CCNA2: variants seen among roughly 807,000 people sequenced by gnomAD.
The protein encoded by CCNA2 is cyclin-A2.
Under a neutral mutation model 49.4 loss-of-function variants are expected in CCNA2, and 3 were observed. The ratio of observed to expected loss-of-function variants is 0.06; its 90% CI spans 0.03 to 0.16. The LOEUF is 0.16. Among genes scored for constraint, CCNA2 ranks in the 10% least tolerant of loss-of-function variants. The pLI is 1.00. For missense variants in CCNA2, 372 were observed against 519.7 expected, an observed-to-expected ratio of 0.72 and a Z score of 2.76; for synonymous variants, 206 against 197.2, an observed-to-expected ratio of 1.04 and a Z score of -0.37.
In CCNA2 at chr4:121,822,451, G is replaced by A. The variant is rs1292663732; in HGVS notation, c.409C>T (p.Pro137Ser). 8 of 1,614,070 alleles carry A rather than the reference G, an allele frequency of 5.0e-6. No individual in the cohort carries two copies. Among genetic ancestry groups the A allele is most frequent in the Middle Eastern group, 3.3e-4 (2 of 6,062 alleles). The change falls in exon 2 of 8, where the codon CCC (proline) becomes TCC (serine). Residue 137 changes from proline (P) to serine (S), a missense_variant. Pro to Ser is a moderately conservative substitution (Grantham distance 74). This residue lies in a region of CCNA2 where 217 missense variants were observed against 231.7 expected (regional missense o/e 0.94). Coordinates refer to ENST00000274026, the MANE Select transcript of CCNA2 (RefSeq NM_001237.5). ...TCAAGAGGGACCAATGGTTTTCTGG[G>A]TCCAGGTAAACTAATGGCTGAATTA... ...AFNSAISLPG[P>S]RKPLVPLDYP...
intron 4 of CCNA2, among the ~76,000 whole-genome samples, 175 bp from the exon 5 acceptor site, chr4:121,819,754 A>C (rs1235186409): frequency 1.3e-5 from 2 of 152,154 alleles, no homozygotes; most frequent in Non-Finnish European, 2.9e-5. Flanking sequence ...GCTAATTAAA[A>C]GGCCCAAATC....
In CCNA2 at chr4:121,817,100, T is replaced by TAAAC. The variant is rs549715641; in HGVS notation, c.*534_*537dup. The TAAAC allele has an allele frequency of 3.1e-4, 129 of 409,920 alleles. No homozygotes were observed. The highest frequency in any genetic ancestry group is 1.4e-3 in the African/African-American group (68 of 48,150). 25.4% of individuals were successfully genotyped at this position (409,920 alleles called of 1,614,324 possible). On this transcript the variant is annotated 3_prime_UTR_variant, in exon 8 of 8. Coordinates refer to ENST00000274026, the MANE Select transcript of CCNA2 (RefSeq NM_001237.5). ...TCTGTTGAGTTTACCTCGCAAAACCTAAACAAACAGGTTTTACAAAGAGCG... is the reference window on the plus strand; with the variant it reads ...TCTGTTGAGTTTACCTCGCAAAACCTAAACAAACAAACAGGTTTTACAAAGAGCG...
At chr4:121,818,981 A>C in intron 5 of CCNA2, 68 bp from the exon 6 acceptor site, 1 of 1,035,350 alleles carries the variant, frequency 9.7e-7, no homozygotes, top group Non-Finnish European at 1.5e-6. Context: ...CTGCCTTCTA[A>C]CCTAATTTTT....
chr4:121,823,485 G>T lies in CCNA2; in HGVS notation c.144C>A (p.Ala48=). The T allele has an allele frequency of 6.2e-7, 1 of 1,613,478 alleles. No individual in the cohort carries two copies. The highest frequency in any genetic ancestry group is 8.5e-7 in the Non-Finnish European group (1 of 1,179,846). Residue 48 remains alanine (A), a synonymous_variant, in exon 1 of 8, where the codon GCC becomes GCA. Coordinates refer to ENST00000274026, the MANE Select transcript of CCNA2 (RefSeq NM_001237.5). ...TCCCGGACTTCAGTACCGCCAGCGC[G>T]GCCCGGGTCCGCGGTTGTTGGACGG... ...AAPVQQPRTR[A]ALAVLKSGNP...
chr4:121,819,451 G>C lies in CCNA2; in HGVS notation c.923C>G (p.Ala308Gly), dbSNP rs1302825377. Residue 308 changes from alanine to glycine, a missense_variant, in exon 5 of 8, where the codon GCT becomes GGT. Ala to Gly is a moderately conservative substitution (Grantham distance 60). Transcript: ENST00000274026. ...VLKVLTFDLA[A>G]PTVNQFLTQY... is the part of the protein sequence containing the mutation. ...GGTAAGAAACTGATTTACTGTTGGA[G>C]CAGCTAAGTCAAAAGTAAGGACTTT... 6.2e-7 allele frequency: 1 copy of C among 1,614,028 alleles called. No homozygotes were observed. The highest frequency in any genetic ancestry group is 8.5e-7 in the Non-Finnish European group (1 of 1,179,902).
intron 2 of CCNA2, among the ~76,000 whole-genome samples, chr4:121,821,856 A>T (rs1281891556): frequency 6.6e-6 from 1 of 152,226 alleles, no homozygotes; most frequent in Non-Finnish European, 1.5e-5. Flanking sequence ...AATAGTACAA[A>T]CTGCAAAGAG....
chr4:121,817,520 T>C lies in CCNA2; in HGVS notation c.*118A>G. The C allele has an allele frequency of 8.3e-7, 1 of 1,200,880 alleles. No homozygotes were observed. Among genetic ancestry groups the C allele is most frequent in the African/African-American group, 1.5e-5 (1 of 65,640 alleles). The allele number at this position is 1,200,880 out of a possible 1,614,324, so 74.4% of individuals were successfully genotyped here. On this transcript the variant is annotated 3_prime_UTR_variant, in exon 8 of 8. Transcript: ENST00000274026. Reference sequence around the variant, plus strand: ...AAAAAGTAATAGATACCATAATTTGTACTTGGCCACAACTTCTGTATTCAG... The same window carrying C: ...AAAAAGTAATAGATACCATAATTTGCACTTGGCCACAACTTCTGTATTCAG...
In CCNA2 at chr4:121,816,968, T is replaced by A. The variant is rs1366215124; in HGVS notation, c.*670A>T. 3 of 1,115,578 alleles carry A rather than the reference T, an allele frequency of 2.7e-6. No homozygotes were observed. Among genetic ancestry groups the A allele is most frequent in the African/African-American group, 3.2e-5 (2 of 61,660 alleles). The allele number at this position is 1,115,578 out of a possible 1,614,324, so 69.1% of individuals were successfully genotyped here. A position where few individuals can be genotyped will look rare whatever the true frequency, so the allele number is the denominator to read the frequency against. ...TCCATTATAAAATCTAGCAGGATTT[T>A]AAAAATAGTTTTTTGTTTTTAATGT... is the stretch of plus-strand genomic sequence containing the variant. On this transcript the variant is annotated 3_prime_UTR_variant, in exon 8 of 8. Transcript: ENST00000274026.
chr4:121,820,947 CAT>C lies in CCNA2; in HGVS notation c.570+30_570+31del. On this transcript the variant is annotated intron_variant, in intron 3 of 7. Transcript: ENST00000274026. The surrounding 1 kb of genome is among the most constrained non-coding windows in gnomAD (Gnocchi z 4.1). ...TTCATTTAGCCACATTTAACAAATA[CAT>C]TATACAAACTGGATTCAGAGAACCT... 1 of 1,554,928 alleles carries C rather than the reference CAT, an allele frequency of 6.4e-7. No individual in the cohort carries two copies. The highest frequency in any genetic ancestry group is 8.8e-7 in the Non-Finnish European group (1 of 1,130,854).
chr4:121,817,346 TGAA>T lies in CCNA2; in HGVS notation c.*289_*291del, dbSNP rs556920628. On this transcript the variant is annotated 3_prime_UTR_variant, in exon 8 of 8. Transcript: ENST00000274026. ...TAAACTTCTTTACTAAGCAAAATCC[TGAA>T]GAAGTTAAATTTGACTTGCAAAGTT... 212 of 296,464 alleles carry T rather than the reference TGAA, an allele frequency of 7.2e-4. No homozygotes were observed. The highest frequency in any genetic ancestry group is 2.8e-3 in the African/African-American group (126 of 45,748). The allele number at this position is 296,464 out of a possible 1,614,324, so 18.4% of individuals were successfully genotyped here. A position where few individuals can be genotyped will look rare whatever the true frequency, so the allele number is the denominator to read the frequency against.
chr4:121,817,543 C>A lies in CCNA2; in HGVS notation c.*95G>T. On this transcript the variant is annotated 3_prime_UTR_variant, in exon 8 of 8. Coordinates refer to ENST00000274026, the MANE Select transcript of CCNA2 (RefSeq NM_001237.5). ...TGTACTTGGCCACAACTTCTGTATT[C>A]AGAAATGATTGTAAAATTAAAACCT... 6.7e-7 allele frequency: 1 copy of A among 1,484,252 alleles called. No individual in the cohort carries two copies. Among genetic ancestry groups the A allele is most frequent in the Non-Finnish European group, 9.2e-7 (1 of 1,083,086 alleles). The allele number at this position is 1,484,252 out of a possible 1,614,324, so 91.9% of individuals were successfully genotyped here. A position where few individuals can be genotyped will look rare whatever the true frequency, so the allele number is the denominator to read the frequency against.
Position 121,823,543 on chromosome 4 carries a change from T to C in CCNA2, c.86A>G (p.Asp29Gly). ...CTTTTCCGGGTTGATATTCTCCTGG[T>C]CCTCTTGGAGCGCCGTCTGCTGCAA... ...LALQQTALQE[D>G]QENINPEKAA... is the part of the protein sequence containing the mutation. Residue 29 changes from aspartate to glycine, a missense_variant, in exon 1 of 8, where the codon GAC becomes GGC. Around this residue, in one of 2 missense-constraint regions of CCNA2, gnomAD observed 217 missense variants for 231.7 expected, o/e 0.94. Transcript: ENST00000274026. 6.2e-7 allele frequency: 1 copy of C among 1,612,464 alleles called. No individual in the cohort carries two copies. Among genetic ancestry groups the C allele is most frequent in the Non-Finnish European group, 8.5e-7 (1 of 1,179,546 alleles).
chr4:121,816,879 T>C lies in CCNA2; in HGVS notation c.*759A>G. ...TAAAGCTAACAGTTGTATATCTGTATATATAACTATTAAAAGGGATATTTA... is the reference window on the plus strand; with the variant it reads ...TAAAGCTAACAGTTGTATATCTGTACATATAACTATTAAAAGGGATATTTA... On this transcript the variant is annotated 3_prime_UTR_variant, in exon 8 of 8. Coordinates refer to ENST00000274026, the MANE Select transcript of CCNA2 (RefSeq NM_001237.5). 6.6e-7 allele frequency: 1 copy of C among 1,518,404 alleles called. No homozygotes were observed. 94.1% of individuals were successfully genotyped at this position (1,518,404 alleles called of 1,614,324 possible). A position where few individuals can be genotyped will look rare whatever the true frequency, so the allele number is the denominator to read the frequency against.
chr4:121,820,184 G>A lies in CCNA2; in HGVS notation c.794+358C>T, dbSNP rs572300033. On this transcript the variant is annotated intron_variant, in intron 4 of 7. Transcript: ENST00000274026. The surrounding 1 kb of genome is among the most constrained non-coding windows in gnomAD (Gnocchi z 4.1). ...TCAAACTCCTGACCTCAAGTGATCC[G>A]CCCACCTCGGCCTCCCAAAGTGCTG... is the stretch of plus-strand genomic sequence containing the variant. Among the ~76,000 whole-genome samples the A allele has an allele frequency of 4.3e-4, 66 of 152,074 alleles. No homozygotes were observed. The highest frequency in any genetic ancestry group is 8.7e-4 in the Non-Finnish European group (59 of 67,966).
At position 121,817,098 on chromosome 4, in the gene CCNA2, C is replaced by T; in HGVS notation, c.*540G>A. The T allele has an allele frequency of 2.4e-6, 1 of 411,964 alleles. No homozygotes were observed. Among genetic ancestry groups the T allele is most frequent in the Non-Finnish European group, 4.3e-6 (1 of 232,316 alleles). 25.5% of individuals were successfully genotyped at this position (411,964 alleles called of 1,614,324 possible). On this transcript the variant is annotated 3_prime_UTR_variant, in exon 8 of 8. Coordinates refer to ENST00000274026, the MANE Select transcript of CCNA2 (RefSeq NM_001237.5). ...CCTCTGTTGAGTTTACCTCGCAAAA[C>T]CTAAACAAACAGGTTTTACAAAGAG... is the stretch of plus-strand genomic sequence containing the variant.
intron 2 of CCNA2, among the ~76,000 whole-genome samples, chr4:121,822,197 A>C (rs1199313104): frequency 6.6e-6 from 1 of 152,222 alleles, no homozygotes; most frequent in Non-Finnish European, 1.5e-5. Context: ...CTGAAAGAGC[A>C]CTGGATAAGG....
Position 121,818,877 on chromosome 4 carries a change from A to G in CCNA2, c.1039T>C (p.Tyr347His). ...GELSLIDADPYLKYLPSVIAG... is the reference protein window; with the variant it reads ...GELSLIDADPHLKYLPSVIAG... ...ATAACTGATGGCAAATACTTGAGGT[A>G]TGGGTCAGCATCTATCAAACTTAAT... is the stretch of plus-strand genomic sequence containing the variant. The change falls in exon 6 of 8, where the codon TAC becomes CAC. Residue 347 changes from tyrosine (Y) to histidine (H), a missense_variant. Tyr to His is a moderately conservative substitution (Grantham distance 83, BLOSUM62 2). Around this residue, in one of 2 missense-constraint regions of CCNA2, gnomAD observed 155 missense variants for 288.1 expected, o/e 0.54. Coordinates refer to ENST00000274026, the MANE Select transcript of CCNA2 (RefSeq NM_001237.5). The G allele has an allele frequency of 6.2e-7, 1 of 1,613,200 alleles. No individual in the cohort carries two copies. Among genetic ancestry groups the G allele is most frequent in the Non-Finnish European group, 8.5e-7 (1 of 1,179,124 alleles).
At position 121,817,522 on chromosome 4, in the gene CCNA2, C is replaced by T. The variant is rs1025628412; in HGVS notation, c.*116G>A. 46 of 1,245,558 alleles carry T rather than the reference C, an allele frequency of 3.7e-5. No individual in the cohort carries two copies. Among genetic ancestry groups the T allele is most frequent in the Non-Finnish European group, 4.7e-5 (42 of 887,438 alleles). The allele number at this position is 1,245,558 out of a possible 1,614,324, so 77.2% of individuals were successfully genotyped here. On this transcript the variant is annotated 3_prime_UTR_variant, in exon 8 of 8. Coordinates refer to ENST00000274026, the MANE Select transcript of CCNA2 (RefSeq NM_001237.5). The stretch of plus-strand genomic sequence containing the variant: ...AAAGTAATAGATACCATAATTTGTA[C>T]TTGGCCACAACTTCTGTATTCAGAA...
At position 121,817,023 on chromosome 4, in the gene CCNA2, T is replaced by G; in HGVS notation, c.*615A>C. 1 of 676,328 alleles carries G rather than the reference T, an allele frequency of 1.5e-6. No homozygotes were observed. Among genetic ancestry groups the G allele is most frequent in the Non-Finnish European group, 2.3e-6 (1 of 430,262 alleles). 41.9% of individuals were successfully genotyped at this position (676,328 alleles called of 1,614,324 possible). ...TAAAATAATAAACCTTCTGGAGCAT[T>G]TCTCGTCTGTTAATTTGCATATAAG... On this transcript the variant is annotated 3_prime_UTR_variant, in exon 8 of 8. Coordinates refer to ENST00000274026, the MANE Select transcript of CCNA2 (RefSeq NM_001237.5).
Sources: allele counts gnomAD v4.1 joint callset (sites outside exome capture counted in the v4.1 genomes callset), GRCh38; gene constraint gnomAD v4.1.1; regional missense constraint gnomAD v4.1.1; non-coding constraint Gnocchi (gnomAD v3.1); transcripts MANE v1.5; gene names NCBI Gene and HGNC (gene_info 2026-07-23, HGNC 2026-07-21).